The following TMEM132B variants were observed in gnomAD, a reference collection of about 807,000 sequenced individuals.
TMEM132B encodes transmembrane protein 132B.
Under a neutral mutation model 90.8 loss-of-function variants are expected in TMEM132B, and 18 were observed. The ratio of observed to expected loss-of-function variants is 0.20; its 90% CI spans 0.14 to 0.29. The LOEUF (loss-of-function observed/expected upper bound fraction) is 0.29, where lower values mean the gene tolerates loss of function less well. Ranked by LOEUF, TMEM132B falls within the 10% of genes least tolerant of loss-of-function variation. The pLI is 1.00. For synonymous variants in TMEM132B, 504 were observed against 523.3 expected (o/e 0.96, Z 0.50); for missense variants, 1,096 against 1,326.8 (o/e 0.83, Z 2.70).
At position 125,350,064 on chromosome 12, in the gene TMEM132B, A is replaced by G. The variant is rs1593098787; in HGVS notation, c.680A>G (p.Tyr227Cys). 1.9e-6 allele frequency: 3 copies of G among 1,614,044 alleles called. No individual in the cohort carries two copies. The highest frequency in any genetic ancestry group is 2.2e-5 in the East Asian group (1 of 44,884). Residue 227 changes from tyrosine to cysteine, a missense_variant, in exon 2 of 9, where the codon TAC becomes TGC. Tyr to Cys is a radical substitution (Grantham distance 194). Transcript: ENST00000682704. Reference protein sequence around the residue: ...GTTMELFFTLYPADKAGQCPL... With the variant: ...GTTMELFFTLCPADKAGQCPL... ...ACGATGGAGCTCTTCTTCACGCTCT[A>G]CCCAGCTGACAAGGCTGGCCAGTGT...
chr12:125,201,766 A>G (rs1873068490), intron 1 of TMEM132B, among the ~76,000 whole-genome samples: 1 of 152,238 alleles, frequency 6.6e-6, no homozygotes, highest in Admixed American at 6.5e-5. Context: ...TGTGTAAGAA[A>G]AACTTAACGT....
At chr12:125,382,385 T>C (rs1878712447) in intron 2 of TMEM132B, among the ~76,000 whole-genome samples, 1 of 152,192 alleles carries the variant, frequency 6.6e-6, no homozygotes, top group Admixed American at 6.5e-5. Context: ...AGAATGATGA[T>C]TCTGAACAGG....
intron 4 of TMEM132B, among the ~76,000 whole-genome samples, chr12:125,531,367 T>G (rs1883642771): frequency 6.6e-6 from 1 of 152,174 alleles, no homozygotes; most frequent in South Asian, 2.1e-4. Flanking sequence ...TATTTATTTT[T>G]TTGTAGAGAC....
At chr12:125,208,930 A>G (rs1159251272) in intron 1 of TMEM132B, among the ~76,000 whole-genome samples, 2 of 152,188 alleles carry the variant, frequency 1.3e-5, no homozygotes, top group Non-Finnish European at 2.9e-5. Flanking sequence ...TCCTAGGTGC[A>G]GAGGGTGCTC....
intron 2 of TMEM132B, among the ~76,000 whole-genome samples, chr12:125,388,164 A>G (rs1033984525): frequency 6.6e-6 from 1 of 152,092 alleles, no homozygotes; most frequent in African/African-American, 2.4e-5. Context: ...GCTGTGGCTC[A>G]CTCCTATAAT....
rs929357290 is a variant in TMEM132B, at chr12:125,658,234, C to G, written c.*3524C>G. On this transcript the variant is annotated 3_prime_UTR_variant, in exon 9 of 9. Coordinates refer to ENST00000682704, the MANE Select transcript of TMEM132B (RefSeq NM_001366854.1). ...TTGATTAATTTTTGTCCCATTGCCACATCTGTAGACTAAGTAATTTTTAAC... is the reference window on the plus strand; with the variant it reads ...TTGATTAATTTTTGTCCCATTGCCAGATCTGTAGACTAAGTAATTTTTAAC... 1 of 152,226 alleles carries G rather than the reference C, an allele frequency of 6.6e-6. No homozygotes were observed. The allele number at this position is 152,226 out of a possible 1,614,324, so 9.4% of individuals were successfully genotyped here.
intron 1 of TMEM132B, among the ~76,000 whole-genome samples, chr12:125,258,992 A>G (rs1874500919): frequency 6.6e-6 from 1 of 152,208 alleles, no homozygotes; most frequent in Non-Finnish European, 1.5e-5. Flanking sequence ...TTGAGCAGTC[A>G]GCAACAACAC....
intron 1 of TMEM132B, among the ~76,000 whole-genome samples, chr12:125,329,035 G>T (rs1876683374): frequency 6.6e-6 from 1 of 152,134 alleles, no homozygotes. Flanking sequence ...AAATGTATTT[G>T]CTGAAGCCCT....
chr12:125,446,855 T>A (rs1024897213), intron 3 of TMEM132B, among the ~76,000 whole-genome samples: 5 of 152,186 alleles, frequency 3.3e-5, no homozygotes, highest in African/African-American at 1.2e-4. Context: ...CTAGCAACCA[T>A]GAAAGGACCA....
chr12:125,533,338 T>A (rs150669730), intron 4 of TMEM132B, among the ~76,000 whole-genome samples: 127 of 152,320 alleles, frequency 8.3e-4, no homozygotes, highest in African/African-American at 2.7e-3. Flanking sequence ...TTCAACATAT[T>A]TAATAGCAGG....
intron 1 of TMEM132B, among the ~76,000 whole-genome samples, chr12:125,271,650 C>G (rs578166425): frequency 2.6e-5 from 4 of 152,250 alleles, no homozygotes; most frequent in Non-Finnish European, 4.4e-5. Flanking sequence ...TGCAAACCTA[C>G]TATGTGCACA....
chr12:125,339,804 G>A (rs1190564466), intron 1 of TMEM132B, among the ~76,000 whole-genome samples: 1 of 152,000 alleles, frequency 6.6e-6, no homozygotes, highest in East Asian at 1.9e-4. Flanking sequence ...ACCCCCCAAT[G>A]GCCTTATTTT....
chr12:125,243,964 C>G (rs1035996155), intron 1 of TMEM132B, among the ~76,000 whole-genome samples: 2 of 152,190 alleles, frequency 1.3e-5, no homozygotes, highest in Non-Finnish European at 2.9e-5. Context: ...TCCTTCCTGT[C>G]TCTCTGAGTT....
chr12:125,420,504 T>G (rs1241624543), intron 3 of TMEM132B, among the ~76,000 whole-genome samples: 1 of 152,130 alleles, frequency 6.6e-6, no homozygotes, highest in Non-Finnish European at 1.5e-5. Context: ...GTCCCTAGGC[T>G]GCACAGAGCA....
At chr12:125,256,190 C>G (rs1874435513) in intron 1 of TMEM132B, among the ~76,000 whole-genome samples, 1 of 152,170 alleles carries the variant, frequency 6.6e-6, no homozygotes, top group Non-Finnish European at 1.5e-5. Context: ...GCACTTTCTT[C>G]TCTGACAGCC....
chr12:125,651,038 G>C, intron 7 of TMEM132B, 85 bp downstream of exon 7: 1 of 1,514,714 alleles, frequency 6.6e-7, no homozygotes, highest in Non-Finnish European at 9.0e-7. Flanking sequence ...GTGTCTGTGT[G>C]CACATGTGCA....
At chr12:125,319,576 C>T (rs1487542350) in intron 1 of TMEM132B, among the ~76,000 whole-genome samples, 1 of 152,192 alleles carries the variant, frequency 6.6e-6, no homozygotes, top group Non-Finnish European at 1.5e-5. Flanking sequence ...CCCTCCCTAT[C>T]CTGCTGAGAT....
chr12:125,199,741 C>T (rs1873013138), intron 1 of TMEM132B, among the ~76,000 whole-genome samples: 2 of 152,164 alleles, frequency 1.3e-5, no homozygotes, highest in African/African-American at 4.8e-5. Flanking sequence ...TTTTTGTCCT[C>T]ATGGCTCAAA....
chr12:125,470,273 A>G (rs1881676691), intron 3 of TMEM132B, among the ~76,000 whole-genome samples: 1 of 152,142 alleles, frequency 6.6e-6, no homozygotes, highest in Admixed American at 6.5e-5. Context: ...CCCAACCATC[A>G]ACTGCAGACA....
Sources: allele counts gnomAD v4.1 joint callset (sites outside exome capture counted in the v4.1 genomes callset), GRCh38; gene constraint gnomAD v4.1.1; transcripts MANE v1.5; gene names NCBI Gene and HGNC (gene_info 2026-07-23, HGNC 2026-07-21).